The following SRP72 variants were observed in gnomAD, a reference collection of about 807,000 sequenced individuals.
SRP72 encodes the protein signal recognition particle subunit SRP72.
SRP72 carries 49 observed loss-of-function variants against 96.3 expected under a neutral mutation model. That is an observed-to-expected ratio of 0.51 (90% confidence interval 0.40 to 0.65). The LOEUF (loss-of-function observed/expected upper bound fraction) is 0.65. Ranked by LOEUF, SRP72 falls within the 30% of genes least tolerant of loss-of-function variation. The pLI is 0.00. For missense variants in SRP72, 736 were observed against 793.3 expected (o/e 0.93, Z 0.87); for synonymous variants, 267 against 275.2 (o/e 0.97, Z 0.30).
rs35852754 is a variant in SRP72 at position 56,502,496 on chromosome 4, CATATAT to C, written c.*647_*652del. ...ATATATATATATGTATATATATATA[CATATAT>C]ATATATATATAAACATGAAATATAT... On this transcript the variant is annotated 3_prime_UTR_variant, in exon 19 of 19. Transcript: ENST00000642900. 8.8e-6 allele frequency: 1 copy of C among 113,772 alleles called. No individual in the cohort carries two copies. Among genetic ancestry groups the C allele is most frequent in the Non-Finnish European group, 1.8e-5 (1 of 56,784 alleles). 7.0% of individuals were successfully genotyped at this position (113,772 alleles called of 1,614,324 possible).
intron 3 of SRP72, among the ~76,000 whole-genome samples, chr4:56,472,602 C>T (rs1411203251): frequency 6.6e-6 from 1 of 152,104 alleles, no homozygotes; most frequent in African/African-American, 2.4e-5. Context: ...CTGCCTTGAC[C>T]TCCCAAAGTA....
chr4:56,473,475 A>G (rs1720066425), intron 3 of SRP72, among the ~76,000 whole-genome samples: 1 of 150,658 alleles, frequency 6.6e-6, no homozygotes, highest in African/African-American at 2.4e-5. Context: ...AAAAAAGAAA[A>G]TCAGTTTTCT....
Position 56,476,798 on chromosome 4 carries a change from G to A in SRP72, c.642+96G>A, listed in dbSNP as rs184276431. The A allele has an allele frequency of 1.9e-4, 248 of 1,283,112 alleles. 1 individual carries two copies. The highest frequency in any genetic ancestry group is 4.4e-6 in the Non-Finnish European group (4 of 906,190). 79.5% of individuals were successfully genotyped at this position (1,283,112 alleles called of 1,614,324 possible). A position where few individuals can be genotyped will look rare whatever the true frequency, so the allele number is the denominator to read the frequency against. Reference sequence around the variant, plus strand: ...TACTATTTATTGACTTTTTTTAGAAGATGGCAATTCATTAAGTAGGAATCA... The same window carrying A: ...TACTATTTATTGACTTTTTTTAGAAAATGGCAATTCATTAAGTAGGAATCA... On this transcript the variant is annotated intron_variant, in intron 6 of 18. Coordinates refer to ENST00000642900, the MANE Select transcript of SRP72 (RefSeq NM_006947.4).
intron 16 of SRP72, among the ~76,000 whole-genome samples, chr4:56,495,053 G>C (rs973646606): frequency 6.6e-6 from 1 of 152,148 alleles, no homozygotes; most frequent in African/African-American, 2.4e-5. Flanking sequence ...AGTCATGCTT[G>C]TGCAAATTAC....
chr4:56,481,246 C>G (rs181583955), intron 8 of SRP72, among the ~76,000 whole-genome samples: 19 of 152,162 alleles, frequency 1.2e-4, no homozygotes, highest in African/African-American at 3.6e-4. Context: ...TTTTCGCTTC[C>G]TTTTTGTCTT....
intron 1 of SRP72, among the ~76,000 whole-genome samples, chr4:56,468,269 C>T (rs866455936): frequency 2.6e-5 from 4 of 152,118 alleles, no homozygotes; most frequent in African/African-American, 9.7e-5. Context: ...AGGGCTGGAT[C>T]TGGATGTCAG....
In SRP72 at chr4:56,480,348, C is replaced by G. The variant is rs189569555; in HGVS notation, c.825+1699C>G. On this transcript the variant is annotated intron_variant, in intron 8 of 18. Transcript: ENST00000642900. ...AATCTCGGCTTACTGCAGCCTCCAC[C>G]TCCCGGGTTCAAGTGATTCTCATGC... Among the ~76,000 whole-genome samples, 13 of 152,312 alleles carry G rather than the reference C, an allele frequency of 8.5e-5. No individual in the cohort carries two copies. In the East Asian group the frequency reaches 2.5e-3, roughly 29 times the overall value.
At chr4:56,480,488 G>C (rs1339368044) in intron 8 of SRP72, among the ~76,000 whole-genome samples, 1 of 152,150 alleles carries the variant, frequency 6.6e-6, no homozygotes, top group Non-Finnish European at 1.5e-5. Context: ...TCAAACTCCT[G>C]ATCTCAAGTG....
At chr4:56,474,619 C>T (rs1166280721) in intron 5 of SRP72, 2 of 555,180 alleles carry the variant, frequency 3.6e-6, no homozygotes, top group African/African-American at 1.9e-5. Context: ...TCTCGGCTCA[C>T]TGCAACCTCT....
Position 56,500,546 on chromosome 4 carries a change from T to C in SRP72, c.1689T>C (p.Pro563=), listed in dbSNP as rs1343909133. The change falls in exon 18 of 19, where the codon CCT becomes CCC. Residue 563 remains proline (P), a synonymous_variant. Transcript: ENST00000642900. ...KKKKKKKGKL[P]KNYDPKVTPD... ...ATAATCGTTATGCAGGAAAATTGCCTAAGAATTATGACCCAAAAGTTACCC... is the reference window on the plus strand; with the variant it reads ...ATAATCGTTATGCAGGAAAATTGCCCAAGAATTATGACCCAAAAGTTACCC... The C allele has an allele frequency of 6.2e-7, 1 of 1,612,456 alleles. No homozygotes were observed. Among genetic ancestry groups the C allele is most frequent in the African/African-American group, 1.3e-5 (1 of 74,786 alleles).
intron 1 of SRP72, 26 bp downstream of exon 1, chr4:56,467,770 C>CCGGGGGGG: frequency 3.5e-6 from 2 of 567,300 alleles, no homozygotes; most frequent in Non-Finnish European, 5.6e-6. Flanking sequence ...GGCACTGGGG[C>CCGGGGGGG]GGGCCCAGGC....
chr4:56,467,623 C>G lies in SRP72; in HGVS notation c.-13C>G. 1 of 1,537,654 alleles carries G rather than the reference C, an allele frequency of 6.5e-7. No homozygotes were observed. The highest frequency in any genetic ancestry group is 8.7e-7 in the Non-Finnish European group (1 of 1,144,552). ...GCAGAGGTCTCCCCGCCCCGCCCCT[C>G]GTCTCCTCCAAGATGGCGAGCGGCG... On this transcript the variant is annotated 5_prime_UTR_variant, in exon 1 of 19. Coordinates refer to ENST00000642900, the MANE Select transcript of SRP72 (RefSeq NM_006947.4).
intron 10 of SRP72, 27 bp downstream of exon 10, chr4:56,484,891 C>G (rs1395134772): frequency 6.3e-7 from 1 of 1,598,284 alleles, no homozygotes; most frequent in Non-Finnish European, 8.5e-7. Flanking sequence ...AATGAGGTGT[C>G]AGACATTTGC....
rs1430273936 is a variant in SRP72, at chr4:56,503,222, T to A, written c.*1361T>A. Reference sequence around the variant, plus strand: ...CAGTGGCATCTAAAGAGATCTTTTTTAAATAAAAATTATGTATTGTGGCAT... The same window carrying A: ...CAGTGGCATCTAAAGAGATCTTTTTAAAATAAAAATTATGTATTGTGGCAT... On this transcript the variant is annotated 3_prime_UTR_variant, in exon 19 of 19. Coordinates refer to ENST00000642900, the MANE Select transcript of SRP72 (RefSeq NM_006947.4). 6.6e-6 allele frequency: 1 copy of A among 152,222 alleles called. No individual in the cohort carries two copies. Among genetic ancestry groups the A allele is most frequent in the African/African-American group, 2.4e-5 (1 of 41,472 alleles). 9.4% of individuals were successfully genotyped at this position (152,222 alleles called of 1,614,324 possible). A position where few individuals can be genotyped will look rare whatever the true frequency, so the allele number is the denominator to read the frequency against.
At position 56,473,954 on chromosome 4, in the gene SRP72, A is replaced by G. The variant is rs745590700; in HGVS notation, c.355-100A>G. On this transcript the variant is annotated intron_variant, in intron 3 of 18. Coordinates refer to ENST00000642900, the MANE Select transcript of SRP72 (RefSeq NM_006947.4). ...CAGTTGATTGTTCATGTTATGCTGA[A>G]CTAGGATTCCTACTTAGTGGTTCCA... 83 of 1,172,618 alleles carry G rather than the reference A, an allele frequency of 7.1e-5. 1 individual carries two copies. Among genetic ancestry groups the G allele is most frequent in the Non-Finnish European group, 9.8e-5 (82 of 838,948 alleles). The allele number at this position is 1,172,618 out of a possible 1,614,324, so 72.6% of individuals were successfully genotyped here.
chr4:56,486,399 T>C lies in SRP72; in HGVS notation c.1159+2T>C, dbSNP rs1720711916. The C allele has an allele frequency of 6.3e-7, 1 of 1,589,284 alleles. No individual in the cohort carries two copies. Among genetic ancestry groups the C allele is most frequent in the African/African-American group, 1.3e-5 (1 of 74,366 alleles). The stretch of plus-strand genomic sequence containing the variant: ...TGGCACAGTTGAAAATTTCTCAAGG[T>C]ATTATGGTTTTCATCATGATTAAAA... On this transcript the variant is annotated splice_donor_variant, in intron 11 of 18. Coordinates refer to ENST00000642900, the MANE Select transcript of SRP72 (RefSeq NM_006947.4). LOFTEE classifies it high-confidence loss of function.
At chr4:56,484,919 A>G (rs1204460514) in intron 10 of SRP72, 55 bp downstream of exon 10, 4 of 1,584,552 alleles carry the variant, frequency 2.5e-6, no homozygotes, top group East Asian at 2.2e-5. Flanking sequence ...TTTCATTTTC[A>G]TTGTGTTGTA....
intron 17 of SRP72, among the ~76,000 whole-genome samples, chr4:56,496,772 G>A (rs545197670): frequency 6.6e-6 from 1 of 152,146 alleles, no homozygotes; most frequent in Non-Finnish European, 1.5e-5. Flanking sequence ...TGGATCATTT[G>A]AGGTCAGGAG....
intron 12 of SRP72, 31 bp from the exon 13 acceptor site, chr4:56,489,357 A>G (rs1238220929): frequency 2.4e-6 from 3 of 1,273,458 alleles, no homozygotes; most frequent in Non-Finnish European, 3.3e-6. Flanking sequence ...GTGAAGGGGG[A>G]GTTCACTAAT....
Sources: allele counts gnomAD v4.1 joint callset (sites outside exome capture counted in the v4.1 genomes callset), GRCh38; gene constraint gnomAD v4.1.1; transcripts MANE v1.5; gene names NCBI Gene and HGNC (gene_info 2026-07-23, HGNC 2026-07-21).